Variants in DMD observed in about 807,000 individuals in gnomAD.
DMD encodes dystrophin, also known as mutant dystrophin.
A neutral mutation model predicts 330.1 loss-of-function variants in DMD; 63 were observed. The observed-to-expected ratio is 0.19, with a 90% CI of 0.16 to 0.24. The LOEUF (loss-of-function observed/expected upper bound fraction) is 0.24, where lower values mean the gene tolerates loss of function less well. DMD is among the 10% of genes least tolerant of loss of function. The pLI is 1.00. For missense variants in DMD, 3,344 were observed against 2,684.1 expected, an observed-to-expected ratio of 1.25 and a Z score of -5.43; for synonymous variants, 1,223 against 959.8, an observed-to-expected ratio of 1.27 and a Z score of -5.07.
At chrX:31,812,501 G>A (rs1014663402) in intron 50 of DMD, among the ~76,000 whole-genome samples, 14 of 108,649 alleles carry the variant, frequency 1.3e-4, no homozygotes, top group African/African-American at 4.7e-4. Flanking sequence ...ACACCAACAT[G>A]GCACATGTAT....
intron 43 of DMD, among the ~76,000 whole-genome samples, chrX:32,253,323 C>T (rs1212357593): frequency 9.0e-6 from 1 of 110,899 alleles, no homozygotes; most frequent in East Asian, 2.8e-4. Flanking sequence ...ACTGAAACAG[C>T]TTCTCTCTTT....
rs1191198979 is a variant in DMD at position 32,644,329 on chromosome X, G to T, written c.1150-16C>A. 2.5e-6 allele frequency: 3 copies of T among 1,205,743 alleles called. No homozygotes were observed. The highest frequency in any genetic ancestry group is 3.5e-5 in the African/African-American group (2 of 57,683). On this transcript the variant is annotated splice_polypyrimidine_tract_variant and intron_variant, in intron 10 of 78. Coordinates refer to ENST00000357033, the MANE Select transcript of DMD (RefSeq NM_004006.3). ...TCATGTACCCCTGACAAAGAAGGAA[G>T]TTAACAATTGTAATTAGAACTCTAG...
chrX:31,327,050 G>A (rs762743324), intron 61 of DMD, among the ~76,000 whole-genome samples: 3 of 111,851 alleles, frequency 2.7e-5, no homozygotes, highest in Non-Finnish European at 5.6e-5. Context: ...ATATGACACC[G>A]GGTTGTCCTT....
intron 1 of DMD, among the ~76,000 whole-genome samples, chrX:33,234,657 TG>T (rs2052444601): frequency 2.7e-5 from 3 of 111,929 alleles, no homozygotes; most frequent in Non-Finnish European, 5.6e-5. Flanking sequence ...CATGATTCAA[TG>T]AACAGCAGTC....
At chrX:31,185,461 C>A (rs1380464641) in intron 67 of DMD, among the ~76,000 whole-genome samples, 1 of 111,834 alleles carries the variant, frequency 8.9e-6, no homozygotes, top group Non-Finnish European at 1.9e-5. Context: ...TCTGGGTATC[C>A]ATTTCTCTTG....
intron 44 of DMD, among the ~76,000 whole-genome samples, chrX:32,003,183 T>C (rs2095639066): frequency 8.9e-6 from 1 of 112,053 alleles, no homozygotes; most frequent in African/African-American, 3.2e-5. Flanking sequence ...AAATGGAACT[T>C]AATGTCTTTG....
At chrX:32,381,050 A>G (rs16998283) in intron 33 of DMD, among the ~76,000 whole-genome samples, 23,798 of 111,006 alleles carry the variant, frequency 0.21, 2,961 homozygotes, top group African/African-American at 0.48. Flanking sequence ...TAATATGGCA[A>G]GAAGGTTTAC....
At chrX:32,698,629 A>G (rs1463710267) in intron 8 of DMD, among the ~76,000 whole-genome samples, 1 of 112,038 alleles carries the variant, frequency 8.9e-6, no homozygotes, top group African/African-American at 3.2e-5. Context: ...TTTATTGTTT[A>G]TTTGAAATAG....
chrX:31,605,462 T>C (rs2077565396), intron 55 of DMD, among the ~76,000 whole-genome samples: 1 of 111,863 alleles, frequency 8.9e-6, no homozygotes, highest in South Asian at 3.7e-4. Flanking sequence ...AAAATGTGTA[T>C]CTGCATCAAT....
At chrX:31,849,396 T>A (rs1027433785) in intron 48 of DMD, among the ~76,000 whole-genome samples, 1 of 110,703 alleles carries the variant, frequency 9.0e-6, no homozygotes, top group Non-Finnish European at 1.9e-5. Flanking sequence ...CAGGAACTGA[T>A]CACTTTTGTG....
intron 11 of DMD, among the ~76,000 whole-genome samples, chrX:32,617,422 A>C (rs2057669019): frequency 9.0e-6 from 1 of 111,576 alleles, no homozygotes; most frequent in South Asian, 3.7e-4. Flanking sequence ...ATTTGCATTC[A>C]ACTGATTTTG....
At chrX:32,758,833 C>G (rs188078591) in intron 7 of DMD, among the ~76,000 whole-genome samples, 2 of 111,726 alleles carry the variant, frequency 1.8e-5, no homozygotes, top group African/African-American at 6.5e-5. Flanking sequence ...CGCAGCATCC[C>G]CTGCCTGTCT....
intron 18 of DMD, among the ~76,000 whole-genome samples, chrX:32,508,121 A>T (rs1319624537): frequency 9.0e-6 from 1 of 110,939 alleles, no homozygotes; most frequent in Non-Finnish European, 1.9e-5. Context: ...ATGCCGGGTC[A>T]CTCAGAATGG....
intron 7 of DMD, among the ~76,000 whole-genome samples, chrX:32,781,965 A>G (rs1044889005): frequency 9.0e-6 from 1 of 111,723 alleles, no homozygotes; most frequent in Non-Finnish European, 1.9e-5. Flanking sequence ...TTGATATCTT[A>G]ATACACTCAG....
chrX:31,633,656 T>C (rs2079248240), intron 54 of DMD, among the ~76,000 whole-genome samples: 1 of 112,110 alleles, frequency 8.9e-6, no homozygotes, highest in Non-Finnish European at 1.9e-5. Context: ...TAAACTTCTA[T>C]CTCAATTTGC....
intron 52 of DMD, among the ~76,000 whole-genome samples, chrX:31,682,175 T>A (rs1381150321): frequency 8.9e-6 from 1 of 112,100 alleles, no homozygotes; most frequent in Non-Finnish European, 1.9e-5. Context: ...TAACATGAAA[T>A]CAAAAATATA....
intron 1 of DMD, among the ~76,000 whole-genome samples, chrX:33,250,493 C>A (rs891275933): frequency 1.8e-5 from 2 of 110,684 alleles, no homozygotes; most frequent in African/African-American, 6.6e-5. Flanking sequence ...CAGACCAGTA[C>A]CGGTCCTTGG....
chrX:31,420,981 A>G (rs1459487136), intron 60 of DMD, among the ~76,000 whole-genome samples: 1 of 112,234 alleles, frequency 8.9e-6, no homozygotes, highest in East Asian at 2.8e-4. Context: ...ATGAAATCCA[A>G]GGAATCAAAG....
intron 7 of DMD, among the ~76,000 whole-genome samples, chrX:32,783,324 T>TAC (rs1167526735): frequency 1.5e-4 from 15 of 101,340 alleles, no homozygotes; most frequent in African/African-American, 5.1e-4. Flanking sequence ...GGTATATATA[T>TAC]ACACACATAT....
Sources: allele counts gnomAD v4.1 joint callset (sites outside exome capture counted in the v4.1 genomes callset), GRCh38; gene constraint gnomAD v4.1.1; transcripts MANE v1.5; gene names NCBI Gene and HGNC (gene_info 2026-07-23, HGNC 2026-07-21).